FCSK: variants seen among roughly 807,000 people sequenced by gnomAD.
FCSK encodes fucose kinase.
In FCSK, 123 loss-of-function variants were observed where a neutral mutation model predicts 122.5. The observed-to-expected ratio is 1.00, with a 90% CI of 0.87 to 1.17. FCSK has a LOEUF of 1.17. Ranked by LOEUF, FCSK falls within the 50% of genes most tolerant of loss-of-function variation. The pLI, the probability that FCSK is intolerant of heterozygous loss-of-function variation, is 0.00. For synonymous variants in FCSK, 620 were observed against 625.5 expected, an observed-to-expected ratio of 0.99 and a Z score of 0.13; for missense variants, 1,366 against 1,450.4, an observed-to-expected ratio of 0.94 and a Z score of 0.95.
rs781420857 is a variant in FCSK, at chr16:70,466,999, C to T, written c.484+45C>T. ...GGACTGCCTTCCTTCGTCACAGCCA[C>T]AGCAAGAAGCCAGCTCTGCCCTTCT... On this transcript the variant is annotated intron_variant, in intron 6 of 23. Coordinates refer to ENST00000288078, the MANE Select transcript of FCSK (RefSeq NM_145059.3). The T allele has an allele frequency of 4.5e-6, 7 of 1,571,772 alleles. No homozygotes were observed. In the East Asian group the frequency reaches 1.3e-4, roughly 30 times the overall value.
chr16:70,455,484 C>CA (rs1167555890), intron 1 of FCSK, among the ~76,000 whole-genome samples: 2 of 144,136 alleles, frequency 1.4e-5, no homozygotes, highest in African/African-American at 5.1e-5. Flanking sequence ...GACTACGTCT[C>CA]AAAAACAAAA....
At chr16:70,460,056 C>T (rs13339561) in intron 1 of FCSK, among the ~76,000 whole-genome samples, 17,889 of 151,058 alleles carry the variant, frequency 0.12, 3,563 homozygotes, top group African/African-American at 0.41. Context: ...GCCCCTGTCT[C>T]CCAAAGTGCT....
rs753175029 is a variant in FCSK at position 70,463,239 on chromosome 16, C to T, written c.49C>T (p.Gln17Ter). 2.2e-5 allele frequency: 36 copies of T among 1,613,930 alleles called. No homozygotes were observed. The Admixed American group carries it at 3.3e-4, about 15-fold the overall frequency. ...VDWTVIILTC[Q>*]YKDSVQVFQR... Reference sequence around the variant, plus strand: ...TTGGACAGTCATCATCCTGACCTGCCAGTACAAGGACAGTGTCCAGGTCTT... The same window carrying T: ...TTGGACAGTCATCATCCTGACCTGCTAGTACAAGGACAGTGTCCAGGTCTT... Residue 17 changes from glutamine (Q) to a stop codon, truncating the protein, a stop_gained, in exon 2 of 24, where the codon CAG (glutamine) becomes TAG (stop). Coordinates refer to ENST00000288078, the MANE Select transcript of FCSK (RefSeq NM_145059.3). LOFTEE classifies it high-confidence loss of function.
chr16:70,457,019 T>TA (rs76847852), intron 1 of FCSK, among the ~76,000 whole-genome samples: 39 of 146,532 alleles, frequency 2.7e-4, no homozygotes, highest in African/African-American at 6.2e-4. Context: ...GACTCCATCT[T>TA]AAAAAAAAAA....
rs771358427 is a variant in FCSK, at chr16:70,475,392, A to G, written c.2420A>G (p.His807Arg). ...KAAFICAGIVHVHSELQLSEQ... is the reference protein window; with the variant it reads ...KAAFICAGIVRVHSELQLSEQ... ...GCCTTCATCTGTGCAGGGATCGTGC[A>G]TGTCCACTCGGAACTCCAGCTGAGT... Residue 807 changes from histidine to arginine, a missense_variant, in exon 19 of 24, where the codon CAT (histidine) becomes CGT (arginine). Coordinates refer to ENST00000288078, the MANE Select transcript of FCSK (RefSeq NM_145059.3). 1.9e-6 allele frequency: 3 copies of G among 1,610,672 alleles called. No homozygotes were observed. The highest frequency in any genetic ancestry group is 1.1e-5 in the South Asian group (1 of 91,086).
At position 70,473,181 on chromosome 16, in the gene FCSK, G is replaced by T; in HGVS notation, c.1605G>T (p.Pro535=). ...GCCTGTCCTGGGAGCAGCTGCAGCC[G>T]TGCCTGGATCGGGCTGCCACGCTGG... ...SWRLSWEQLQ[P]CLDRAATLAS... is the part of the protein sequence containing the mutation. The change falls in exon 15 of 24, where the codon CCG becomes CCT. Residue 535 remains proline, a synonymous_variant. Transcript: ENST00000288078. The surrounding 1 kb of genome is among the most constrained non-coding windows in gnomAD (Gnocchi z 4.9). 2 of 1,541,068 alleles carry T rather than the reference G, an allele frequency of 1.3e-6. No homozygotes were observed. Among genetic ancestry groups the T allele is most frequent in the Non-Finnish European group, 1.7e-6 (2 of 1,146,970 alleles).
In FCSK at chr16:70,473,217, G is replaced by A; in HGVS notation, c.1641G>A (p.Arg547=). ...GGGCTGCCACGCTGGCCTCTCGCCG[G>A]GACCTGTTCTTCCGCCAGGCCCTGC... ...LDRAATLASR[R]DLFFRQALHK... The change falls in exon 15 of 24, where the codon CGG becomes CGA. Residue 547 remains arginine, a synonymous_variant. Coordinates refer to ENST00000288078, the MANE Select transcript of FCSK (RefSeq NM_145059.3). This position sits in a 1 kb window ranked among gnomAD's most constrained non-coding sequence, Gnocchi z 4.9. 1 of 1,536,232 alleles carries A rather than the reference G, an allele frequency of 6.5e-7. No homozygotes were observed. The highest frequency in any genetic ancestry group is 8.7e-7 in the Non-Finnish European group (1 of 1,145,980).
chr16:70,469,223 G>A lies in FCSK; in HGVS notation c.855G>A (p.Arg285=). Residue 285 remains arginine (R), a synonymous_variant, in exon 10 of 24, where the codon AGG becomes AGA. Transcript: ENST00000288078. The stretch of plus-strand genomic sequence containing the variant: ...CCAGGGAGGACTTCCTGGTGGGGAG[G>A]CCCCCAGAGTTGGGGCAAGGCGATG... The part of the protein sequence containing the change: ...NVTREDFLVG[R]PPELGQGDAD... 1.2e-6 allele frequency: 2 copies of A among 1,614,024 alleles called. No individual in the cohort carries two copies. Among genetic ancestry groups the A allele is most frequent in the Non-Finnish European group, 1.7e-6 (2 of 1,179,996 alleles).
intron 13 of FCSK, 32 bp from the exon 14 acceptor site, chr16:70,472,509 T>C (rs1181446566): frequency 1.3e-6 from 2 of 1,589,632 alleles, no homozygotes; most frequent in East Asian, 4.5e-5. Flanking sequence ...CTGTGGCCCC[T>C]GCAGCCCTGA....
In FCSK at chr16:70,475,523, CGACT is replaced by C. The variant is rs145321739; in HGVS notation, c.2521+32_2521+35del. ...GCGGGCCCTGCCTCCTGCTACCCAC[CGACT>C]GTTACAGCCCTCCAGCCTTGCCTGT... On this transcript the variant is annotated intron_variant, in intron 19 of 23. Transcript: ENST00000288078. 2.7e-4 allele frequency: 424 copies of C among 1,599,810 alleles called. 4 individuals carry two copies. In the East Asian group the frequency reaches 9.2e-3, roughly 35 times the overall value.
chr16:70,475,973 A>G (rs989821885), intron 20 of FCSK: 2 of 507,978 alleles, frequency 3.9e-6, no homozygotes, highest in Non-Finnish European at 6.7e-6. Flanking sequence ...CCGTTTCACA[A>G]GCATCTACTG....
chr16:70,464,369 A>G (rs2048353758), intron 3 of FCSK, among the ~76,000 whole-genome samples: 1 of 152,034 alleles, frequency 6.6e-6, no homozygotes, highest in African/African-American at 2.4e-5. Context: ...CAGACAGCAG[A>G]GGCCGGGCGC....
Position 70,478,636 on chromosome 16 carries a change from A to G in FCSK, c.2915A>G (p.Glu972Gly), listed in dbSNP as rs1248774675. The change falls in exon 22 of 24, where the codon GAA (glutamate) becomes GGA (glycine). Residue 972 changes from glutamate to glycine, a missense_variant. Transcript: ENST00000288078. ...GTACGGCAAACTGAGGAGTGTGCTG[A>G]AGGCTTCCGCCAAGGTGAGGGGCTT... The part of the protein sequence containing the change: ...SLVRQTEECA[E>G]GFRQGSLPLL... 1 of 1,613,540 alleles carries G rather than the reference A, an allele frequency of 6.2e-7. No individual in the cohort carries two copies. The highest frequency in any genetic ancestry group is 1.7e-5 in the Admixed American group (1 of 60,018).
In FCSK at chr16:70,471,212, G is replaced by T; in HGVS notation, c.1201G>T (p.Val401Leu). The T allele has an allele frequency of 6.2e-7, 1 of 1,607,738 alleles. No homozygotes were observed. Among genetic ancestry groups the T allele is most frequent in the Non-Finnish European group, 8.5e-7 (1 of 1,176,732 alleles). The change falls in exon 13 of 24, where the codon GTG becomes TTG. Residue 401 changes from valine (V) to leucine (L), a missense_variant. Coordinates refer to ENST00000288078, the MANE Select transcript of FCSK (RefSeq NM_145059.3). ...GPIHIGAGCL[V>L]TGLDTAHSKA... ...CATTCACATAGGCGCTGGCTGCTTG[G>T]TGACTGGCCTGGATACAGCCCACTC...
At chr16:70,467,274 G>T (rs930681192) in intron 6 of FCSK, 100 bp from the exon 7 acceptor site, 3 of 755,358 alleles carry the variant, frequency 4.0e-6, no homozygotes, top group Admixed American at 2.8e-5. Flanking sequence ...TTTTAGAGGT[G>T]CCCAGGTGCC....
intron 1 of FCSK, among the ~76,000 whole-genome samples, chr16:70,462,483 G>A (rs1248893689): frequency 1.3e-5 from 2 of 152,062 alleles, no homozygotes; most frequent in African/African-American, 4.8e-5. Context: ...ACGCCACCAC[G>A]CCTGCCTAAT....
intron 1 of FCSK, among the ~76,000 whole-genome samples, chr16:70,461,165 T>G (rs2048252863): frequency 1.3e-5 from 2 of 152,220 alleles, no homozygotes; most frequent in South Asian, 4.1e-4. Context: ...GGCACTGGAA[T>G]AGCCTGTGGC....
intron 13 of FCSK, among the ~76,000 whole-genome samples, chr16:70,471,813 T>TTG (rs1477276858): frequency 9.6e-6 from 1 of 104,192 alleles, no homozygotes; most frequent in African/African-American, 1.4e-4. Context: ...GGGGTTGTTG[T>TTG]TTTTTTTTTT....
chr16:70,456,955 G>A (rs2048110160), intron 1 of FCSK, among the ~76,000 whole-genome samples: 1 of 151,956 alleles, frequency 6.6e-6, no homozygotes, highest in African/African-American at 2.4e-5. Context: ...GGGAGGCGGA[G>A]GTTGCAGTGA....
Sources: allele counts gnomAD v4.1 joint callset (sites outside exome capture counted in the v4.1 genomes callset), GRCh38; gene constraint gnomAD v4.1.1; non-coding constraint Gnocchi (gnomAD v3.1); transcripts MANE v1.5; gene names NCBI Gene and HGNC (gene_info 2026-07-23, HGNC 2026-07-21).